TTC17: variants seen among roughly 807,000 people sequenced by gnomAD.
TTC17 encodes the protein tetratricopeptide repeat protein 17.
TTC17 carries 58 observed loss-of-function variants against 143.8 expected under a neutral mutation model. That is an observed-to-expected ratio of 0.40 (90% CI 0.33 to 0.50). The LOEUF (loss-of-function observed/expected upper bound fraction) is 0.50, where lower values mean the gene tolerates loss of function less well. Ranked by LOEUF, TTC17 falls within the 20% of genes least tolerant of loss-of-function variation. The pLI is 0.49. For missense variants in TTC17, 1,273 were observed against 1,392.5 expected, an observed-to-expected ratio of 0.91 and a Z score of 1.37; for synonymous variants, 501 against 497.8, an observed-to-expected ratio of 1.01 and a Z score of -0.09.
intron 21 of TTC17, among the ~76,000 whole-genome samples, chr11:43,481,209 C>T (rs1389574292): frequency 2.0e-5 from 3 of 151,702 alleles, no homozygotes; most frequent in Non-Finnish European, 2.9e-5. Flanking sequence ...AGTAAAATAC[C>T]CTCAAAATAT....
At chr11:43,423,511 T>A (rs1279404670) in intron 16 of TTC17, among the ~76,000 whole-genome samples, 1 of 152,108 alleles carries the variant, frequency 6.6e-6, no homozygotes, top group Admixed American at 6.6e-5. Context: ...GGTCATGAAG[T>A]TTAGAAGAAC....
chr11:43,438,731 A>C (rs1455092711), intron 16 of TTC17, among the ~76,000 whole-genome samples: 1 of 152,034 alleles, frequency 6.6e-6, no homozygotes, highest in Non-Finnish European at 1.5e-5. Context: ...TCTTGTTTTG[A>C]ATCTAGCACT....
chr11:43,393,429 A>T (rs1857464072), intron 5 of TTC17, among the ~76,000 whole-genome samples: 1 of 151,262 alleles, frequency 6.6e-6, no homozygotes, highest in South Asian at 2.1e-4. Flanking sequence ...GAAGGGGTGC[A>T]CAGAGCTTCC....
At chr11:43,378,329 T>C (rs1437240833) in intron 1 of TTC17, among the ~76,000 whole-genome samples, 3 of 152,252 alleles carry the variant, frequency 2.0e-5, no homozygotes, top group Admixed American at 6.5e-5. Context: ...TATCTCTTGA[T>C]GTCTGGACGG....
intron 19 of TTC17, chr11:43,449,797 T>G (rs1010936394): frequency 6.0e-6 from 2 of 335,108 alleles, no homozygotes; most frequent in Non-Finnish European, 1.1e-5. Context: ...CTATAAGATT[T>G]ACTGTCTAAG....
chr11:43,456,177 A>G (rs932523403), intron 21 of TTC17, among the ~76,000 whole-genome samples: 20 of 126,920 alleles, frequency 1.6e-4, no homozygotes, highest in Non-Finnish European at 2.9e-4. Flanking sequence ...TCTTAGCACA[A>G]TAACACACAC....
At chr11:43,397,297 C>T (rs1393243355) in intron 6 of TTC17, 50 bp from the exon 7 acceptor site, 4 of 1,552,932 alleles carry the variant, frequency 2.6e-6, no homozygotes, top group Non-Finnish European at 3.5e-6. Flanking sequence ...TGTCATTTTT[C>T]CTTGTCAAGT....
chr11:43,414,921 A>C, intron 16 of TTC17, 145 bp downstream of exon 16: 1 of 850,050 alleles, frequency 1.2e-6, no homozygotes, highest in Non-Finnish European at 1.8e-6. Context: ...AAAAGATGTT[A>C]ATTCCTTACT....
Position 43,414,621 on chromosome 11 carries a change from AC to A in TTC17, c.2098del (p.Ala701LeufsTer2). On this transcript the variant is annotated frameshift_variant, in exon 16 of 24. Coordinates refer to ENST00000039989, the MANE Select transcript of TTC17 (RefSeq NM_018259.6). LOFTEE classifies it high-confidence loss of function. Reference sequence around the variant, plus strand: ...ACCTTTTTGAGCCTGGGAAATGCTTACCTTGCTCTGAAGAATATCAGTGGGG... The same window carrying A: ...ACCTTTTTGAGCCTGGGAAATGCTTACTTGCTCTGAAGAATATCAGTGGGG... ...PLTFLSLGNA[Y>X]LALKNISGAL... is the part of the protein sequence containing the mutation. 2 of 1,611,838 alleles carry A rather than the reference AC, an allele frequency of 1.2e-6. No individual in the cohort carries two copies. The highest frequency in any genetic ancestry group is 1.7e-6 in the Non-Finnish European group (2 of 1,179,056).
intron 21 of TTC17, among the ~76,000 whole-genome samples, chr11:43,486,654 AGGT>A (rs1948386628): frequency 1.3e-5 from 2 of 152,180 alleles, no homozygotes; most frequent in Admixed American, 1.3e-4. Flanking sequence ...TTTTTCAGTA[AGGT>A]GGTCGTTTCT....
At chr11:43,448,308 GC>G (rs1252653517) in intron 19 of TTC17, among the ~76,000 whole-genome samples, 186 bp downstream of exon 19, 1 of 152,110 alleles carries the variant, frequency 6.6e-6, no homozygotes, top group African/African-American at 2.4e-5. Flanking sequence ...CAGTGAGTGT[GC>G]CCCCCTTCCC....
chr11:43,418,819 T>A (rs1251163035), intron 16 of TTC17, among the ~76,000 whole-genome samples: 1 of 152,172 alleles, frequency 6.6e-6, no homozygotes, highest in African/African-American at 2.4e-5. Context: ...GATGTGGCAT[T>A]ACAACATGAT....
chr11:43,443,966 G>A, intron 17 of TTC17, 90 bp from the exon 18 acceptor site: 1 of 1,420,782 alleles, frequency 7.0e-7, no homozygotes, highest in Non-Finnish European at 9.5e-7. Context: ...CCTGAGCACA[G>A]TACTTGGTTA....
intron 1 of TTC17, among the ~76,000 whole-genome samples, chr11:43,360,693 G>C (rs1033862874): frequency 1.3e-5 from 2 of 151,644 alleles, no homozygotes; most frequent in African/African-American, 4.9e-5. Flanking sequence ...ACATTGCAAT[G>C]GGAAAGTAGA....
chr11:43,424,558 T>A (rs1397418458), intron 16 of TTC17, among the ~76,000 whole-genome samples: 1 of 151,636 alleles, frequency 6.6e-6, no homozygotes, highest in Non-Finnish European at 1.5e-5. Flanking sequence ...TCCCCTGAGG[T>A]CAGGAGTTCA....
intron 8 of TTC17, among the ~76,000 whole-genome samples, chr11:43,399,492 C>T (rs1400360919): frequency 2.6e-5 from 4 of 152,044 alleles, no homozygotes; most frequent in African/African-American, 9.7e-5. Context: ...CTGGGCAACA[C>T]AGCAAGACCC....
intron 15 of TTC17, among the ~76,000 whole-genome samples, chr11:43,409,071 T>C (rs183552165): frequency 7.9e-5 from 12 of 152,260 alleles, no homozygotes; most frequent in African/African-American, 2.6e-4. Flanking sequence ...CAGCACCCTC[T>C]TCCCAACTTT....
chr11:43,463,705 AAT>A (rs927316254), intron 21 of TTC17, among the ~76,000 whole-genome samples: 3 of 152,238 alleles, frequency 2.0e-5, no homozygotes, highest in African/African-American at 7.2e-5. Context: ...GCAAGCTATT[AAT>A]AATTGTTTAA....
At chr11:43,485,737 A>G (rs1948367145) in intron 21 of TTC17, among the ~76,000 whole-genome samples, 1 of 152,180 alleles carries the variant, frequency 6.6e-6, no homozygotes, top group Admixed American at 6.5e-5. Flanking sequence ...GCAAAGTAAT[A>G]CCACAGGAAG....
Sources: gnomAD v4.1 joint callset for allele counts (sites outside exome capture counted in the v4.1 genomes callset) on GRCh38, gnomAD v4.1.1 for gene constraint, MANE v1.5 for transcripts, NCBI Gene and HGNC (gene_info 2026-07-23, HGNC 2026-07-21) for gene names.